ZNF423: variants seen among roughly 807,000 people sequenced by gnomAD.
ZNF423 encodes zinc finger protein 423.
ZNF423 carries 12 observed loss-of-function variants against 95.8 expected under a neutral mutation model. The observed-to-expected ratio is 0.13, with a 90% confidence interval of 0.08 to 0.20. ZNF423 has a LOEUF of 0.20. Ranked by LOEUF, ZNF423 falls within the 10% of genes least tolerant of loss-of-function variation. The probability of loss-of-function intolerance (pLI) is 1.00; values close to 1 mark genes in which losing one functional copy is unlikely to be tolerated. For synonymous variants in ZNF423, 749 were observed against 711.9 expected, an observed-to-expected ratio of 1.05 and a Z score of -0.83; for missense variants, 1,316 against 1,737.1, an observed-to-expected ratio of 0.76 and a Z score of 4.31.
At chr16:49,727,488 C>A (rs983422766) in intron 3 of ZNF423, among the ~76,000 whole-genome samples, 1 of 151,882 alleles carries the variant, frequency 6.6e-6, no homozygotes, top group Non-Finnish European at 1.5e-5. Context: ...CAATCTCCCC[C>A]TCAACACCAC....
chr16:49,744,264 C>A (rs1327123623), intron 2 of ZNF423, among the ~76,000 whole-genome samples: 1 of 152,268 alleles, frequency 6.6e-6, no homozygotes, highest in Admixed American at 6.5e-5. Context: ...ATGGCCTGGG[C>A]AGCATGACAC....
chr16:49,644,903 C>A (rs909071244), intron 3 of ZNF423, among the ~76,000 whole-genome samples: 1 of 152,074 alleles, frequency 6.6e-6, no homozygotes, highest in Non-Finnish European at 1.5e-5. Context: ...GGGAGTCATG[C>A]TGGGGCAACG....
chr16:49,691,586 G>A (rs1197032202), intron 3 of ZNF423, among the ~76,000 whole-genome samples: 1 of 152,120 alleles, frequency 6.6e-6, no homozygotes, highest in Non-Finnish European at 1.5e-5. Context: ...CAAAAAATTA[G>A]CTGGGCATGG....
At chr16:49,720,832 C>T (rs1055639443) in intron 3 of ZNF423, among the ~76,000 whole-genome samples, 2 of 152,230 alleles carry the variant, frequency 1.3e-5, no homozygotes, top group African/African-American at 4.8e-5. Flanking sequence ...CTCTCAGGCC[C>T]AGTGGTCTGC....
At chr16:49,738,124 A>T (rs1222507552) in intron 2 of ZNF423, among the ~76,000 whole-genome samples, 2 of 152,152 alleles carry the variant, frequency 1.3e-5, no homozygotes, top group Non-Finnish European at 2.9e-5. Flanking sequence ...CTTTCCACAA[A>T]TACTTATTAA....
chr16:49,704,535 C>A (rs1188988847), intron 3 of ZNF423, among the ~76,000 whole-genome samples: 1 of 152,208 alleles, frequency 6.6e-6, no homozygotes, highest in Non-Finnish European at 1.5e-5. Context: ...ACCCCCAAGA[C>A]TGTGAGCTCT....
chr16:49,638,672 G>A lies in ZNF423; in HGVS notation c.504C>T (p.His168=), dbSNP rs1328516403. Residue 168 remains histidine, a synonymous_variant, in exon 4 of 8, where the codon CAC becomes CAT. Coordinates refer to ENST00000563137, the MANE Select transcript of ZNF423 (RefSeq NM_001379286.1). This position sits in a 1 kb window ranked among gnomAD's most constrained non-coding sequence, Gnocchi z 5.6. ...TGCACTTGAACGGCAGCTTGTCGCT[G>A]TGGATCTGCTCGTGCCTCTTCAAGT... ...LSYLKRHEQI[H]SDKLPFKCTY... is the part of the protein sequence containing the mutation. 1.9e-6 allele frequency: 3 copies of A among 1,614,038 alleles called. No homozygotes were observed. Among genetic ancestry groups the A allele is most frequent in the East Asian group, 4.5e-5 (2 of 44,880 alleles).
At chr16:49,532,341 G>A (rs906779478) in intron 5 of ZNF423, among the ~76,000 whole-genome samples, 11 of 152,070 alleles carry the variant, frequency 7.2e-5, no homozygotes, top group African/African-American at 1.4e-4. Context: ...ACTCAAGACC[G>A]CTCAGCCATG....
chr16:49,642,890 G>A (rs1388641247), intron 3 of ZNF423, among the ~76,000 whole-genome samples: 2 of 146,892 alleles, frequency 1.4e-5, no homozygotes, highest in Non-Finnish European at 3.0e-5. Flanking sequence ...GTGTGATCTC[G>A]GCTCACTGCA....
chr16:49,836,472 A>G (rs1367323363), intron 1 of ZNF423, among the ~76,000 whole-genome samples: 1 of 152,022 alleles, frequency 6.6e-6, no homozygotes, highest in African/African-American at 2.4e-5. Flanking sequence ...CTCTGGGAGA[A>G]GATTCCGGCA....
At chr16:49,672,241 G>GA (rs562754980) in intron 3 of ZNF423, among the ~76,000 whole-genome samples, 39 of 150,352 alleles carry the variant, frequency 2.6e-4, no homozygotes, top group East Asian at 2.3e-3. Context: ...ATACATTACA[G>GA]AAAAAAAAAA....
At chr16:49,677,292 A>AAGGGAAGGGAAGG (rs1567284019) in intron 3 of ZNF423, among the ~76,000 whole-genome samples, 13 of 81,116 alleles carry the variant, frequency 1.6e-4, no homozygotes, top group Non-Finnish European at 3.3e-4. Flanking sequence ...AGAAGAGAAG[A>AAGGGAAGGGAAGG]GAAGAGAAGA....
At chr16:49,602,112 C>T (rs776318416) in intron 5 of ZNF423, among the ~76,000 whole-genome samples, 11 of 152,242 alleles carry the variant, frequency 7.2e-5, no homozygotes, top group Non-Finnish European at 1.5e-4. Context: ...CCCCGGCTTC[C>T]TGTCCTGGAC....
intron 3 of ZNF423, among the ~76,000 whole-genome samples, chr16:49,659,942 G>A (rs1259095523): frequency 6.6e-6 from 1 of 152,228 alleles, no homozygotes; most frequent in Non-Finnish European, 1.5e-5. Context: ...GTCAATGGAT[G>A]CACACTTTAG....
chr16:49,695,583 G>A (rs1305043606), intron 3 of ZNF423, among the ~76,000 whole-genome samples: 1 of 152,178 alleles, frequency 6.6e-6, no homozygotes, highest in Non-Finnish European at 1.5e-5. Flanking sequence ...GTTAGCCACT[G>A]TACCCAGCAA....
intron 5 of ZNF423, among the ~76,000 whole-genome samples, chr16:49,539,016 T>C (rs1470115578): frequency 6.6e-6 from 1 of 152,232 alleles, no homozygotes; most frequent in Non-Finnish European, 1.5e-5. Flanking sequence ...TAAATGCTAA[T>C]AGTTTGCTGT....
At chr16:49,582,537 C>A (rs1970705247) in intron 5 of ZNF423, among the ~76,000 whole-genome samples, 1 of 152,116 alleles carries the variant, frequency 6.6e-6, no homozygotes, top group East Asian at 1.9e-4. Context: ...ACAGTGCAAA[C>A]CTAAAAGCGA....
intron 3 of ZNF423, among the ~76,000 whole-genome samples, chr16:49,653,195 G>A (rs1340509360): frequency 6.6e-6 from 1 of 150,398 alleles, no homozygotes; most frequent in Non-Finnish European, 1.5e-5. Flanking sequence ...CTGCTGCCCA[G>A]ACAGAGAACC....
intron 1 of ZNF423, among the ~76,000 whole-genome samples, chr16:49,799,967 T>C: frequency 6.6e-6 from 1 of 152,102 alleles, no homozygotes; most frequent in Non-Finnish European, 1.5e-5. Flanking sequence ...TTGTTATATT[T>C]TTCTGGCCAA....
Sources: allele counts gnomAD v4.1 joint callset (sites outside exome capture counted in the v4.1 genomes callset), GRCh38; gene constraint gnomAD v4.1.1; non-coding constraint Gnocchi (gnomAD v3.1); transcripts MANE v1.5; gene names NCBI Gene and HGNC (gene_info 2026-07-23, HGNC 2026-07-21).